Variants in SYT1 observed in about 807,000 individuals in gnomAD.
SYT1 encodes synaptotagmin 1.
SYT1 carries 8 observed loss-of-function variants against 44.8 expected under a neutral mutation model. That is an observed-to-expected ratio of 0.18 (90% CI 0.10 to 0.32). The LOEUF is 0.32. SYT1 is among the 10% of genes least tolerant of loss of function. The pLI is 1.00. For synonymous variants in SYT1, 154 were observed against 188.8 expected, an observed-to-expected ratio of 0.82 and a Z score of 1.51; for missense variants, 286 against 509.3, an observed-to-expected ratio of 0.56 and a Z score of 4.22.
intron 3 of SYT1, among the ~76,000 whole-genome samples, chr12:79,162,492 T>G (rs1871007996): frequency 6.6e-6 from 1 of 152,108 alleles, no homozygotes; most frequent in African/African-American, 2.4e-5. Context: ...TATTCACTGT[T>G]CCTCTTAAAA....
intron 3 of SYT1, among the ~76,000 whole-genome samples, chr12:79,188,955 C>G (rs1872955629): frequency 1.3e-5 from 1 of 74,944 alleles, no homozygotes; most frequent in South Asian, 3.0e-4. Context: ...AAATCACTAA[C>G]CTATTTTTTT....
Position 79,301,714 on chromosome 12 carries a change from C to T in SYT1, c.810+2163C>T, listed in dbSNP as rs113278757. ...CTCTTCCCTCTATTTTTATCTACTT[C>T]GCTATCCTTTTTCTCACCATTGCAC... is the stretch of plus-strand genomic sequence containing the variant. On this transcript the variant is annotated intron_variant, in intron 8 of 10. Transcript: ENST00000261205. Among the ~76,000 whole-genome samples the T allele has an allele frequency of 8.5e-3, 1,295 of 152,140 alleles. 13 individuals carry two copies. Among genetic ancestry groups the T allele is most frequent in the African/African-American group, 0.029 (1,223 of 41,506 alleles).
chr12:78,954,990 A>G (rs1879137541), intron 1 of SYT1, among the ~76,000 whole-genome samples: 1 of 152,094 alleles, frequency 6.6e-6, no homozygotes, highest in Admixed American at 6.6e-5. Flanking sequence ...TCTTTTTCTG[A>G]AGTTTGAAGA....
chr12:79,056,952 A>G (rs150073326), intron 3 of SYT1, among the ~76,000 whole-genome samples: 2 of 152,140 alleles, frequency 1.3e-5, no homozygotes, highest in African/African-American at 4.8e-5. Context: ...TGCAAACACC[A>G]TAAAAATCCC....
chr12:78,868,871 GA>G (rs1326988887), intron 1 of SYT1: 1 of 151,582 alleles, frequency 6.6e-6, no homozygotes, highest in African/African-American at 2.4e-5. Flanking sequence ...TATCATGATT[GA>G]AAAAACTCTC....
chr12:79,192,016 C>T (rs1873159736), intron 3 of SYT1, among the ~76,000 whole-genome samples: 1 of 152,052 alleles, frequency 6.6e-6, no homozygotes, highest in African/African-American at 2.4e-5. Context: ...ATCAATCCAC[C>T]CCTATAACTT....
At chr12:78,985,140 G>C (rs1365119930) in intron 2 of SYT1, among the ~76,000 whole-genome samples, 1 of 151,634 alleles carries the variant, frequency 6.6e-6, no homozygotes, top group Admixed American at 6.6e-5. Context: ...ATTTATTCTT[G>C]ATTTTTTTTA....
intron 3 of SYT1, among the ~76,000 whole-genome samples, chr12:79,095,179 CAA>C (rs1404987295): frequency 6.6e-6 from 1 of 151,766 alleles, no homozygotes; most frequent in Non-Finnish European, 1.5e-5. Flanking sequence ...CCCCAAAAGT[CAA>C]GAGTTATACA....
chr12:79,349,060 G>GAAAGAAAGAAAAAGAAAGAAAGAAA (rs1565920027), intron 8 of SYT1, among the ~76,000 whole-genome samples: 5 of 128,746 alleles, frequency 3.9e-5, no homozygotes, highest in African/African-American at 1.3e-4. Context: ...AAAGAAAGGA[G>GAAAGAAAGAAAAAGAAAGAAAGAAA]GGAGGGAGGG....
In SYT1 at chr12:79,449,398, T is replaced by C; in HGVS notation, c.*274T>C. ...AATTATTTATTGTATCACACTGTTG[T>C]ATATACCAGTATGCTAAAGATTTAT... On this transcript the variant is annotated 3_prime_UTR_variant, in exon 11 of 11. Coordinates refer to ENST00000261205, the MANE Select transcript of SYT1 (RefSeq NM_005639.3). The C allele has an allele frequency of 2.6e-6, 1 of 386,242 alleles. No individual in the cohort carries two copies. The highest frequency in any genetic ancestry group is 3.5e-5 in the South Asian group (1 of 28,614). The allele number at this position is 386,242 out of a possible 1,614,324, so 23.9% of individuals were successfully genotyped here.
intron 3 of SYT1, among the ~76,000 whole-genome samples, chr12:79,064,971 A>AGAAAGAAAGAAAGAAAGAAG (rs1875704192): frequency 6.7e-6 from 1 of 149,232 alleles, no homozygotes; most frequent in African/African-American, 2.5e-5. Context: ...AAAGAAAGAA[A>AGAAAGAAAGAAAGAAAGAAG]GAAAGAAAGA....
intron 4 of SYT1, among the ~76,000 whole-genome samples, chr12:79,245,182 A>T (rs1393635682): frequency 6.6e-6 from 1 of 151,410 alleles, no homozygotes; most frequent in East Asian, 2.0e-4. Context: ...GAACTTCATT[A>T]TTGCCGGGCG....
intron 1 of SYT1, among the ~76,000 whole-genome samples, chr12:78,915,146 G>T (rs1876575402): frequency 2.0e-5 from 3 of 152,050 alleles, no homozygotes; most frequent in Admixed American, 1.3e-4. Flanking sequence ...CTTGAACCAG[G>T]TGGACTGGAA....
chr12:79,099,065 G>A (rs923078929), intron 3 of SYT1, among the ~76,000 whole-genome samples: 20 of 152,094 alleles, frequency 1.3e-4, no homozygotes, highest in Non-Finnish European at 2.5e-4. Context: ...AGATAAATAG[G>A]TTACCTTAGT....
intron 1 of SYT1, among the ~76,000 whole-genome samples, chr12:78,941,434 C>CACACACACACAT (rs1491424889): frequency 2.2e-4 from 31 of 141,732 alleles, no homozygotes; most frequent in African/African-American, 7.3e-4. Flanking sequence ...CACACACACA[C>CACACACACACAT]ATTATGTAAT....
intron 4 of SYT1, among the ~76,000 whole-genome samples, chr12:79,282,909 G>A (rs917351849): frequency 1.3e-5 from 2 of 152,120 alleles, no homozygotes; most frequent in African/African-American, 4.8e-5. Context: ...CTTTTAGCCT[G>A]ATCCAAAATA....
chr12:79,313,342 G>A (rs557728955), intron 8 of SYT1, among the ~76,000 whole-genome samples: 119 of 152,232 alleles, frequency 7.8e-4, no homozygotes, highest in African/African-American at 2.6e-3. Context: ...CGTGCAATAC[G>A]TGTTATTTTT....
intron 3 of SYT1, among the ~76,000 whole-genome samples, chr12:79,142,634 A>G (rs980980033): frequency 6.6e-6 from 1 of 152,218 alleles, no homozygotes; most frequent in African/African-American, 2.4e-5. Flanking sequence ...GCAAAATTTA[A>G]TCAATCAAAT....
chr12:79,096,182 C>CAGA (rs1861679212), intron 3 of SYT1, among the ~76,000 whole-genome samples: 2 of 151,900 alleles, frequency 1.3e-5, no homozygotes, highest in African/African-American at 4.8e-5. Flanking sequence ...TTCTTTAATT[C>CAGA]CCTTTTCCTG....
Sources: allele counts gnomAD v4.1 joint callset (sites outside exome capture counted in the v4.1 genomes callset), GRCh38; gene constraint gnomAD v4.1.1; transcripts MANE v1.5; gene names NCBI Gene and HGNC (gene_info 2026-07-23, HGNC 2026-07-21).